The following XYLT1 variants were observed in gnomAD, a reference collection of about 807,000 sequenced individuals.
The protein encoded by XYLT1 is xylosyltransferase 1.
XYLT1 carries 36 observed loss-of-function variants against 91.3 expected under a neutral mutation model. The observed-to-expected ratio is 0.39, with a 90% CI of 0.30 to 0.52. XYLT1 has a LOEUF of 0.52. Ranked by LOEUF, XYLT1 falls within the 20% of genes least tolerant of loss-of-function variation. XYLT1 has a pLI of 0.68. For missense variants in XYLT1, 1,242 were observed against 1,284.5 expected, an observed-to-expected ratio of 0.97 and a Z score of 0.51; for synonymous variants, 588 against 532.0, an observed-to-expected ratio of 1.11 and a Z score of -1.45.
intron 1 of XYLT1, among the ~76,000 whole-genome samples, chr16:17,429,005 C>A (rs748480731): frequency 4.6e-5 from 7 of 152,186 alleles, no homozygotes; most frequent in Non-Finnish European, 8.8e-5. Flanking sequence ...AAAACCCCAA[C>A]TGCTCAAAAG....
chr16:17,168,481 G>C (rs1446118165), intron 5 of XYLT1, among the ~76,000 whole-genome samples: 6 of 152,060 alleles, frequency 3.9e-5, no homozygotes, highest in African/African-American at 7.2e-5. Flanking sequence ...TAACCTAGTG[G>C]GTACAATGCT....
chr16:17,296,402 C>A (rs2034311422), intron 2 of XYLT1, among the ~76,000 whole-genome samples: 1 of 152,138 alleles, frequency 6.6e-6, no homozygotes, highest in African/African-American at 2.4e-5. Flanking sequence ...CCTAGCCCTG[C>A]TCCTTCCAGA....
chr16:17,351,749 T>TG (rs67167449), intron 2 of XYLT1, among the ~76,000 whole-genome samples: 16,957 of 134,716 alleles, frequency 0.13, 1,521 homozygotes, highest in African/African-American at 0.16. Flanking sequence ...GCTTTTTTTT[T>TG]GGGGGGGGGT....
At chr16:17,161,292 G>C (rs905237142) in intron 5 of XYLT1, among the ~76,000 whole-genome samples, 1 of 152,220 alleles carries the variant, frequency 6.6e-6, no homozygotes, top group Non-Finnish European at 1.5e-5. Flanking sequence ...TGACATCTTG[G>C]GGGAGGGAGG....
rs1320095863 is a variant in XYLT1, at chr16:17,105,596, G to C, written c.*3099C>G. On this transcript the variant is annotated 3_prime_UTR_variant, in exon 12 of 12. Transcript: ENST00000261381. The stretch of plus-strand genomic sequence containing the variant: ...CTCAATTTCTGCCTGAATGTCACTC[G>C]GTGGGTGGGAAACTATAAGGAGTGC... 1 of 152,112 alleles carries C rather than the reference G, an allele frequency of 6.6e-6. No individual in the cohort carries two copies. The highest frequency in any genetic ancestry group is 1.5e-5 in the Non-Finnish European group (1 of 68,046). 9.4% of individuals were successfully genotyped at this position (152,112 alleles called of 1,614,324 possible).
At chr16:17,158,140 A>G (rs1355566434) in intron 6 of XYLT1, among the ~76,000 whole-genome samples, 1 of 152,252 alleles carries the variant, frequency 6.6e-6, no homozygotes. Flanking sequence ...TTGATGGACC[A>G]TCATGGAGAC....
intron 9 of XYLT1, among the ~76,000 whole-genome samples, chr16:17,132,547 G>GCAACTAAGATA (rs1262435919): frequency 6.8e-6 from 1 of 147,106 alleles, no homozygotes; most frequent in Non-Finnish European, 1.5e-5. Flanking sequence ...ATGGCAACTG[G>GCAACTAAGATA]CAACTAAGAT....
rs551295578 is a variant in XYLT1, at chr16:17,329,700, C to T, written c.402+28312G>A. On this transcript the variant is annotated intron_variant, in intron 2 of 11. Transcript: ENST00000261381. ...GCAACCTGTGCCTCCGGGTCTGTTA[C>T]TTGCACAAACATGGACACCCGTGAG... Among the ~76,000 whole-genome samples, 32 of 152,314 alleles carry T rather than the reference C, an allele frequency of 2.1e-4. No homozygotes were observed. In the East Asian group the frequency reaches 5.8e-3, roughly 28 times the overall value.
chr16:17,315,501 G>C (rs2034616532), intron 2 of XYLT1, among the ~76,000 whole-genome samples: 2 of 150,778 alleles, frequency 1.3e-5, no homozygotes, highest in Non-Finnish European at 2.9e-5. Flanking sequence ...ACTAGTCACA[G>C]CAGATCGTTA....
chr16:17,115,632 C>G (rs2141481703), intron 11 of XYLT1, among the ~76,000 whole-genome samples: 1 of 151,640 alleles, frequency 6.6e-6, no homozygotes, highest in East Asian at 1.9e-4. Context: ...ACGCCGGCCA[C>G]CACACTCGGC....
chr16:17,316,199 A>G (rs1308910655), intron 2 of XYLT1, among the ~76,000 whole-genome samples: 1 of 152,192 alleles, frequency 6.6e-6, no homozygotes, highest in African/African-American at 2.4e-5. Context: ...TTATTGACTC[A>G]GTCTTTGAAC....
At chr16:17,176,612 A>G (rs760424862) in intron 5 of XYLT1, among the ~76,000 whole-genome samples, 2 of 152,224 alleles carry the variant, frequency 1.3e-5, no homozygotes, top group Admixed American at 1.3e-4. Flanking sequence ...CCAGTTCCAG[A>G]TCCAGCTTAC....
intron 1 of XYLT1, among the ~76,000 whole-genome samples, chr16:17,409,863 A>C (rs2036085652): frequency 6.6e-6 from 1 of 152,062 alleles, no homozygotes; most frequent in South Asian, 2.1e-4. Context: ...ACACATTTTT[A>C]GGGTGTGTGT....
intron 1 of XYLT1, among the ~76,000 whole-genome samples, chr16:17,423,702 G>C (rs1036104297): frequency 6.6e-5 from 10 of 151,866 alleles, no homozygotes; most frequent in African/African-American, 2.4e-4. Context: ...TGCAACCTCT[G>C]CCTCCCAGGT....
intron 1 of XYLT1, among the ~76,000 whole-genome samples, chr16:17,425,032 C>T (rs1044049967): frequency 6.6e-6 from 1 of 152,166 alleles, no homozygotes; most frequent in African/African-American, 2.4e-5. Context: ...TTGAACTTGG[C>T]TCCAGCCTCA....
chr16:17,148,958 T>G (rs984760683), intron 6 of XYLT1, among the ~76,000 whole-genome samples: 3 of 152,246 alleles, frequency 2.0e-5, no homozygotes, highest in Non-Finnish European at 4.4e-5. Context: ...TTTTACTTCC[T>G]AGGCTATGAG....
intron 1 of XYLT1, among the ~76,000 whole-genome samples, chr16:17,425,441 T>C (rs1360804358): frequency 2.0e-5 from 3 of 152,142 alleles, no homozygotes; most frequent in Non-Finnish European, 4.4e-5. Context: ...CCACTCTAGA[T>C]AGTTGAGGCT....
chr16:17,272,153 GTTTTT>G lies in XYLT1; in HGVS notation c.403-12660_403-12656del, dbSNP rs35561235. On this transcript the variant is annotated intron_variant, in intron 2 of 11. Transcript: ENST00000261381. ...TCTTTTAATTTATTTTTTGTTGTTG[GTTTTT>G]TTTTTTTTTTTTTTTTTTTTTGAGA... Among the ~76,000 whole-genome samples, 4 of 80,310 alleles carry G rather than the reference GTTTTT, an allele frequency of 5.0e-5. 1 individual carries two copies. The highest frequency in any genetic ancestry group is 1.7e-4 in the African/African-American group (3 of 17,476). 52.7% of individuals were successfully genotyped at this position (80,310 alleles called of 152,430 possible).
intron 1 of XYLT1, among the ~76,000 whole-genome samples, chr16:17,430,596 G>A (rs1347072066): frequency 6.6e-6 from 1 of 152,166 alleles, no homozygotes; most frequent in African/African-American, 2.4e-5. Context: ...CCTTTCCAGG[G>A]TGCCTCTCAT....
Sources: allele counts gnomAD v4.1 joint callset (sites outside exome capture counted in the v4.1 genomes callset), GRCh38; gene constraint gnomAD v4.1.1; transcripts MANE v1.5; gene names NCBI Gene and HGNC (gene_info 2026-07-23, HGNC 2026-07-21).